Variants in BRINP3 observed in about 807,000 individuals in gnomAD.
BRINP3 encodes BMP/retinoic acid-inducible neural-specific protein 3.
Under a neutral mutation model 71.0 loss-of-function variants are expected in BRINP3, and 19 were observed. That is an observed-to-expected ratio of 0.27 (90% CI 0.19 to 0.39). BRINP3 has a LOEUF of 0.39. Among genes scored for constraint, BRINP3 ranks in the 10% least tolerant of loss-of-function variants. The pLI is 1.00. For synonymous variants in BRINP3, 380 were observed against 337.7 expected (o/e 1.13, Z -1.37); for missense variants, 959 against 940.8 (o/e 1.02, Z -0.25).
chr1:190,317,171 C>CAAAAAAAA (rs397862994), intron 2 of BRINP3, among the ~76,000 whole-genome samples: 1 of 77,196 alleles, frequency 1.3e-5, no homozygotes, highest in African/African-American at 4.5e-5. Flanking sequence ...GAGTCCATCT[C>CAAAAAAAA]AAAAAAAAAA....
At chr1:190,217,470 T>C (rs1309800137) in intron 6 of BRINP3, among the ~76,000 whole-genome samples, 1 of 151,978 alleles carries the variant, frequency 6.6e-6, no homozygotes, top group Non-Finnish European at 1.5e-5. Context: ...AATTGTTTAG[T>C]TCCAAGAAAA....
intron 2 of BRINP3, among the ~76,000 whole-genome samples, chr1:190,442,071 T>G (rs1674860717): frequency 6.6e-6 from 1 of 152,148 alleles, no homozygotes; most frequent in South Asian, 2.1e-4. Context: ...CCCTAAATCC[T>G]GAAACGATCA....
intron 2 of BRINP3, among the ~76,000 whole-genome samples, chr1:190,306,240 T>G (rs1257935813): frequency 6.6e-6 from 1 of 151,604 alleles, no homozygotes; most frequent in African/African-American, 2.4e-5. Context: ...AAAAAAAAAT[T>G]GTGAACCAAA....
intron 2 of BRINP3, among the ~76,000 whole-genome samples, chr1:190,403,887 T>C (rs1306388803): frequency 6.6e-6 from 1 of 152,188 alleles, no homozygotes; most frequent in Non-Finnish European, 1.5e-5. Flanking sequence ...AAAGTGAAAA[T>C]TATGGAAATA....
At chr1:190,191,633 AT>A (rs945393747) in intron 6 of BRINP3, among the ~76,000 whole-genome samples, 30 of 150,928 alleles carry the variant, frequency 2.0e-4, no homozygotes, top group African/African-American at 3.2e-4. Flanking sequence ...TATGTGCCAC[AT>A]TTTTTTTTAT....
At chr1:190,256,599 T>A (rs1660684644) in intron 4 of BRINP3, among the ~76,000 whole-genome samples, 1 of 152,198 alleles carries the variant, frequency 6.6e-6, no homozygotes, top group East Asian at 1.9e-4. Context: ...CTTTACAATT[T>A]GGCATGTTTT....
intron 7 of BRINP3, among the ~76,000 whole-genome samples, chr1:190,114,992 C>G (rs546739249): frequency 3.3e-5 from 5 of 152,078 alleles, no homozygotes; most frequent in Non-Finnish European, 5.9e-5. Flanking sequence ...CACTGTAGCC[C>G]TCTCGATCAT....
chr1:190,388,760 T>G (rs558168961), intron 2 of BRINP3, among the ~76,000 whole-genome samples: 2 of 152,022 alleles, frequency 1.3e-5, no homozygotes, highest in Non-Finnish European at 1.5e-5. Context: ...CAGGTATTCA[T>G]GACTGAGTGG....
At chr1:190,453,284 G>C (rs910564621) in intron 2 of BRINP3, among the ~76,000 whole-genome samples, 1 of 129,372 alleles carries the variant, frequency 7.7e-6, no homozygotes, top group African/African-American at 2.9e-5. Flanking sequence ...GTAGTGGCGC[G>C]ATCTCGGCTC....
At chr1:190,327,326 C>CAAAAAAA (rs1227478693) in intron 2 of BRINP3, among the ~76,000 whole-genome samples, 39 of 44,224 alleles carry the variant, frequency 8.8e-4, no homozygotes, top group African/African-American at 1.3e-3. Flanking sequence ...AAAAAAAGAA[C>CAAAAAAA]AAAAAAAAAA....
chr1:190,221,490 G>A (rs60812740), intron 6 of BRINP3, among the ~76,000 whole-genome samples: 21,487 of 145,614 alleles, frequency 0.15, 2,007 homozygotes, highest in South Asian at 0.28. Flanking sequence ...CACAAAGAAA[G>A]ACAGTAAGAA....
chr1:190,471,675 G>A (rs7530969), intron 1 of BRINP3, among the ~76,000 whole-genome samples: 191 of 151,394 alleles, frequency 1.3e-3, no homozygotes, highest in African/African-American at 4.3e-3. Flanking sequence ...ATTTTTAAAT[G>A]ATTACATGAA....
chr1:190,459,112 T>C (rs1676208040), intron 1 of BRINP3, among the ~76,000 whole-genome samples: 3 of 149,592 alleles, frequency 2.0e-5, no homozygotes, highest in Non-Finnish European at 3.0e-5. Context: ...TTAGTATAGG[T>C]CCTACTCTTA....
intron 5 of BRINP3, among the ~76,000 whole-genome samples, chr1:190,231,835 T>TA (rs1196591610): frequency 6.6e-6 from 1 of 151,894 alleles, no homozygotes; most frequent in East Asian, 1.9e-4. Context: ...GGTTAAATCT[T>TA]AGAGTTCTGT....
intron 2 of BRINP3, among the ~76,000 whole-genome samples, chr1:190,284,485 T>C (rs759986698): frequency 2.2e-4 from 33 of 152,054 alleles, no homozygotes; most frequent in Non-Finnish European, 3.5e-4. Flanking sequence ...TATTTTTCTG[T>C]GTAAAAATAC....
intron 2 of BRINP3, among the ~76,000 whole-genome samples, chr1:190,287,713 A>T (rs1370729400): frequency 6.6e-6 from 1 of 152,196 alleles, no homozygotes; most frequent in Non-Finnish European, 1.5e-5. Flanking sequence ...TCAGTAGAAC[A>T]ACAAGAATTA....
chr1:190,277,115 A>ATATATATATATATATT (rs1212564236), intron 3 of BRINP3, among the ~76,000 whole-genome samples: 10 of 129,292 alleles, frequency 7.7e-5, no homozygotes, highest in African/African-American at 2.2e-4. Flanking sequence ...ATATATATAT[A>ATATATATATATATATT]TATTTATATT....
chr1:190,197,512 G>A (rs529297770), intron 6 of BRINP3, among the ~76,000 whole-genome samples: 2 of 152,296 alleles, frequency 1.3e-5, no homozygotes, highest in South Asian at 4.1e-4. Flanking sequence ...TACAGGCATT[G>A]GGTAAATACA....
intron 6 of BRINP3, among the ~76,000 whole-genome samples, chr1:190,222,557 T>A (rs962247745): frequency 6.6e-6 from 1 of 151,352 alleles, no homozygotes; most frequent in Non-Finnish European, 1.5e-5. Flanking sequence ...ACAGCAGATA[T>A]GAATAAAGTT....
Sources: gnomAD v4.1 joint callset for allele counts (sites outside exome capture counted in the v4.1 genomes callset) on GRCh38, gnomAD v4.1.1 for gene constraint, MANE v1.5 for transcripts, NCBI Gene and HGNC (gene_info 2026-07-23, HGNC 2026-07-21) for gene names.